Variants in NNMT observed in about 807,000 individuals in gnomAD.
NNMT encodes nicotinamide N-methyltransferase.
Under a neutral mutation model 11.7 loss-of-function variants are expected in NNMT, and 10 were observed. The ratio of observed to expected loss-of-function variants is 0.85; its 90% CI spans 0.53 to 1.45. The LOEUF (loss-of-function observed/expected upper bound fraction) is 1.45, where lower values mean the gene tolerates loss of function less well. NNMT is among the 40% of genes most tolerant of loss of function. The pLI is 0.00. For missense variants in NNMT, 381 were observed against 319.4 expected (o/e 1.19, Z -1.47); for synonymous variants, 143 against 133.8 (o/e 1.07, Z -0.48).
At chr11:114,269,578 C>T (rs747613493) in intron 2 of NNMT, 5 of 152,318 alleles carry the variant, frequency 3.3e-5, no homozygotes, top group Non-Finnish European at 7.3e-5. Flanking sequence ...TGGCATCTGT[C>T]CTTGCCTTTC....
upstream of NNMT, among the ~76,000 whole-genome samples, chr11:114,292,001 C>T (rs1409552591): frequency 6.6e-6 from 1 of 152,168 alleles, no homozygotes; most frequent in South Asian, 2.1e-4. Flanking sequence ...TTTGATCTCT[C>T]TTATCTCTCA....
At chr11:114,261,156 G>A (rs112701091) in intron 1 of NNMT, among the ~76,000 whole-genome samples, 5 of 152,336 alleles carry the variant, frequency 3.3e-5, no homozygotes, top group African/African-American at 1.2e-4. Flanking sequence ...GGACCCAGGA[G>A]CCTGGGATTC....
chr11:114,275,802 T>C (rs982056396), intron 2 of NNMT, among the ~76,000 whole-genome samples: 7 of 152,136 alleles, frequency 4.6e-5, no homozygotes, highest in African/African-American at 1.7e-4. Flanking sequence ...ATCCTGTGAG[T>C]TGTGTATATG....
intron 2 of NNMT, among the ~76,000 whole-genome samples, chr11:114,285,747 T>C (rs1376707490): frequency 6.6e-6 from 1 of 152,152 alleles, no homozygotes; most frequent in African/African-American, 2.4e-5. Context: ...AGAGGCTCAG[T>C]AGTTGCTTCT....
In NNMT at chr11:114,313,166, T is replaced by G; in HGVS notation, c.*689T>G. 6.6e-6 allele frequency: 1 copy of G among 152,230 alleles called. No homozygotes were observed. Among genetic ancestry groups the G allele is most frequent in the Admixed American group, 6.5e-5 (1 of 15,282 alleles). 9.4% of individuals were successfully genotyped at this position (152,230 alleles called of 1,614,324 possible). A position where few individuals can be genotyped will look rare whatever the true frequency, so the allele number is the denominator to read the frequency against. On this transcript the variant is annotated 3_prime_UTR_variant, in exon 3 of 3. Transcript: ENST00000299964. ...CATCTATAAAATGAGATTAAAATAG[T>G]CTTTTTATTAAGAGAATTAAAGTGA...
At chr11:114,260,576 C>A (rs1043392018) in intron 1 of NNMT, among the ~76,000 whole-genome samples, 2 of 152,330 alleles carry the variant, frequency 1.3e-5, no homozygotes, top group African/African-American at 4.8e-5. Context: ...TGTGGTCAAG[C>A]CCTGCTGGTT....
chr11:114,271,875 G>A (rs1455296957), intron 2 of NNMT, among the ~76,000 whole-genome samples: 1 of 152,156 alleles, frequency 6.6e-6, no homozygotes, highest in Non-Finnish European at 1.5e-5. Context: ...AGAAGAGAGT[G>A]CAGTACAGTG....
At position 114,312,077 on chromosome 11, in the gene NNMT, G is replaced by A. The variant is rs1455728711; in HGVS notation, c.395G>A (p.Arg132Lys). ...GGTCCAGAGAAGGAGGAGAAGTTGA[G>A]ACAGGCGGTCAAGCAGGTGCTGAAG... Reference protein sequence around the residue: ...VKGPEKEEKLRQAVKQVLKCD... With the variant: ...VKGPEKEEKLKQAVKQVLKCD... Residue 132 changes from arginine to lysine, a missense_variant, in exon 3 of 3, where the codon AGA becomes AAA. By Grantham distance (26) the Arg-to-Lys change is conservative. Coordinates refer to ENST00000299964, the MANE Select transcript of NNMT (RefSeq NM_006169.3). The A allele has an allele frequency of 1.1e-5, 17 of 1,591,626 alleles. No homozygotes were observed. Among genetic ancestry groups the A allele is most frequent in the Non-Finnish European group, 1.5e-5 (17 of 1,165,716 alleles).
At chr11:114,278,507 A>G (rs1285192693) in intron 2 of NNMT, among the ~76,000 whole-genome samples, 12 of 152,106 alleles carry the variant, frequency 7.9e-5, no homozygotes, top group Non-Finnish European at 1.5e-5. Flanking sequence ...AGAAGGCACT[A>G]CTAATGTTCT....
At position 114,312,848 on chromosome 11, in the gene NNMT, C is replaced by G; in HGVS notation, c.*371C>G. 5.2e-6 allele frequency: 1 copy of G among 193,540 alleles called. No homozygotes were observed. The highest frequency in any genetic ancestry group is 1.1e-5 in the Non-Finnish European group (1 of 92,722). The allele number at this position is 193,540 out of a possible 1,614,324, so 12.0% of individuals were successfully genotyped here. ...TAAGGGGGCACTGCTGGCTCCTTCT[C>G]TCCCAGGAATGGGCTTCTCCTATTC... On this transcript the variant is annotated 3_prime_UTR_variant, in exon 3 of 3. Transcript: ENST00000299964.
chr11:114,312,538 T>G lies in NNMT; in HGVS notation c.*61T>G, dbSNP rs1945563774. The G allele has an allele frequency of 2.6e-6, 4 of 1,510,692 alleles. No individual in the cohort carries two copies. Among genetic ancestry groups the G allele is most frequent in the Non-Finnish European group, 1.8e-6 (2 of 1,111,362 alleles). The allele number at this position is 1,510,692 out of a possible 1,614,324, so 93.6% of individuals were successfully genotyped here. On this transcript the variant is annotated 3_prime_UTR_variant, in exon 3 of 3. Transcript: ENST00000299964. The stretch of plus-strand genomic sequence containing the variant: ...TGTCCAGTTGACTTTAGTCCTTGTT[T>G]CTAACTGCCAAGTCATGTGCTGAGT...
At chr11:114,294,477 C>A (rs1215115173), upstream of NNMT, among the ~76,000 whole-genome samples, 449 of 123,288 alleles carry the variant, frequency 3.6e-3, no homozygotes, top group Middle Eastern at 4.5e-3. Context: ...GACTCCACAT[C>A]AAAAAAAAAA....
intron 2 of NNMT, among the ~76,000 whole-genome samples, chr11:114,304,183 A>G (rs1156624473): frequency 6.6e-6 from 1 of 152,214 alleles, no homozygotes; most frequent in Non-Finnish European, 1.5e-5. Flanking sequence ...AAACTTTGTA[A>G]TAAGTAAATA....
chr11:114,297,567 T>C (rs886584378), intron 1 of NNMT, among the ~76,000 whole-genome samples: 3 of 150,800 alleles, frequency 2.0e-5, no homozygotes, highest in Non-Finnish European at 4.4e-5. Flanking sequence ...CTCATCATAG[T>C]CTCGAACTCC....
At chr11:114,286,260 G>A (rs991527619) in intron 2 of NNMT, among the ~76,000 whole-genome samples, 3 of 152,200 alleles carry the variant, frequency 2.0e-5, no homozygotes, top group African/African-American at 7.2e-5. Flanking sequence ...TATGCAGGAT[G>A]TTTTTTAAAT....
chr11:114,265,497 T>G (rs1336799131), intron 2 of NNMT, among the ~76,000 whole-genome samples: 1 of 152,172 alleles, frequency 6.6e-6, no homozygotes, highest in Non-Finnish European at 1.5e-5. Flanking sequence ...TCCCCCACCC[T>G]GATGTCTCAT....
intron 2 of NNMT, among the ~76,000 whole-genome samples, chr11:114,266,812 A>G (rs1057326778): frequency 6.6e-6 from 1 of 152,138 alleles, no homozygotes; most frequent in Non-Finnish European, 1.5e-5. Flanking sequence ...CAATTCTTTC[A>G]CCATGTGATG....
upstream of NNMT, chr11:114,295,878 G>A (rs1436320561): frequency 2.0e-5 from 3 of 152,364 alleles, no homozygotes; most frequent in Non-Finnish European, 2.9e-5. Flanking sequence ...CCTAGGGCAG[G>A]GATGGAGAGA....
At chr11:114,305,488 T>C (rs1945482113) in intron 2 of NNMT, among the ~76,000 whole-genome samples, 1 of 148,862 alleles carries the variant, frequency 6.7e-6, no homozygotes. Flanking sequence ...CCTAATGCTA[T>C]CCATGCCCCC....
Sources: allele counts gnomAD v4.1 joint callset (sites outside exome capture counted in the v4.1 genomes callset), GRCh38; gene constraint gnomAD v4.1.1; transcripts MANE v1.5; gene names NCBI Gene and HGNC (gene_info 2026-07-23, HGNC 2026-07-21).